Variants in RARB observed in about 807,000 individuals in gnomAD.
The protein encoded by RARB is HBV-activated protein.
Under a neutral mutation model 51.9 loss-of-function variants are expected in RARB, and 17 were observed. The ratio of observed to expected loss-of-function variants is 0.33; its 90% CI spans 0.22 to 0.49. The LOEUF (loss-of-function observed/expected upper bound fraction) is 0.49, where lower values mean the gene tolerates loss of function less well. Ranked by LOEUF, RARB falls within the 20% of genes least tolerant of loss-of-function variation. The pLI is 0.99. For missense variants in RARB, 369 were observed against 550.8 expected (o/e 0.67, Z 3.30); for synonymous variants, 215 against 195.4 (o/e 1.10, Z -0.84).
At chr3:25,427,642 G>T (rs1708032827), upstream of RARB, among the ~76,000 whole-genome samples, 1 of 152,168 alleles carries the variant, frequency 6.6e-6, no homozygotes, top group Non-Finnish European at 1.5e-5. Context: ...CTCGAAAGCT[G>T]GATTGCAGAG....
chr3:25,485,338 C>T (rs1464883175), intron 2 of RARB, among the ~76,000 whole-genome samples: 1 of 152,146 alleles, frequency 6.6e-6, no homozygotes, highest in Non-Finnish European at 1.5e-5. Context: ...ATCCTCAGAC[C>T]CCAGAGGAAA....
chr3:25,514,095 C>T (rs1326824762), intron 3 of RARB, among the ~76,000 whole-genome samples: 2 of 152,202 alleles, frequency 1.3e-5, no homozygotes, highest in African/African-American at 4.8e-5. Context: ...CCTGCAGTCC[C>T]TGTGTTCTGG....
intron 5 of RARB, among the ~76,000 whole-genome samples, chr3:25,238,945 C>T (rs952244829): frequency 6.6e-6 from 1 of 151,704 alleles, no homozygotes; most frequent in African/African-American, 2.4e-5. Context: ...CACCACTGCA[C>T]TCCAGCCGGG....
chr3:25,318,286 C>G (rs1176511073), intron 5 of RARB, among the ~76,000 whole-genome samples: 1 of 152,048 alleles, frequency 6.6e-6, no homozygotes, highest in East Asian at 1.9e-4. Flanking sequence ...CCATAAATTG[C>G]TATATTTGGT....
intron 2 of RARB, among the ~76,000 whole-genome samples, chr3:24,893,468 T>G (rs1047740719): frequency 6.6e-6 from 1 of 152,228 alleles, no homozygotes; most frequent in Admixed American, 6.5e-5. Context: ...ATGTGGCTCT[T>G]CACTGCAAAC....
intron 2 of RARB, among the ~76,000 whole-genome samples, chr3:24,863,868 A>T (rs911353607): frequency 6.6e-6 from 1 of 152,010 alleles, no homozygotes; most frequent in Non-Finnish European, 1.5e-5. Flanking sequence ...TTCTGTATCT[A>T]TGTTTCCATT....
At chr3:25,205,976 C>G (rs940354028) in intron 5 of RARB, among the ~76,000 whole-genome samples, 1 of 152,158 alleles carries the variant, frequency 6.6e-6, no homozygotes, top group Admixed American at 6.5e-5. Context: ...TTTGGCCCAA[C>G]TGTAGTCTAA....
intron 5 of RARB, among the ~76,000 whole-genome samples, chr3:25,248,125 A>G (rs2125400084): frequency 6.6e-6 from 1 of 152,258 alleles, no homozygotes; most frequent in Admixed American, 6.5e-5. Context: ...ATCATGATAT[A>G]ATGACTTTTT....
intron 1 of RARB, among the ~76,000 whole-genome samples, chr3:25,437,542 A>G (rs969815195): frequency 6.6e-6 from 1 of 152,144 alleles, no homozygotes; most frequent in African/African-American, 2.4e-5. Flanking sequence ...AACTTGTGAC[A>G]CAAGTCGTTG....
At chr3:25,007,605 C>CAAAAAAAAAAAA (rs1279154112) in intron 2 of RARB, among the ~76,000 whole-genome samples, 1 of 60,640 alleles carries the variant, frequency 1.6e-5, no homozygotes, top group Admixed American at 2.0e-4. Context: ...AAAAAAAAAA[C>CAAAAAAAAAAAA]AAAAAAACCT....
chr3:25,279,724 G>A (rs2125415279), intron 5 of RARB, among the ~76,000 whole-genome samples: 1 of 152,290 alleles, frequency 6.6e-6, no homozygotes, highest in East Asian at 1.9e-4. Flanking sequence ...AGGTCTTGGT[G>A]GTGAGGATGG....
chr3:24,862,809 C>T (rs1702779175), intron 2 of RARB, among the ~76,000 whole-genome samples: 1 of 152,172 alleles, frequency 6.6e-6, no homozygotes, highest in Non-Finnish European at 1.5e-5. Context: ...GTGGTACCTG[C>T]CCTTCGGCAG....
chr3:24,887,622 C>T (rs1313351223), intron 2 of RARB, among the ~76,000 whole-genome samples: 1 of 152,208 alleles, frequency 6.6e-6, no homozygotes, highest in African/African-American at 2.4e-5. Context: ...TGTAGGCCAG[C>T]TTCTAGAATA....
chr3:25,260,038 C>T (rs1044785760), intron 5 of RARB: 2 of 971,344 alleles, frequency 2.1e-6, no homozygotes, highest in Non-Finnish European at 1.2e-6. Context: ...CTCCTTCCCC[C>T]ATGGTGTGAG....
intron 3 of RARB, among the ~76,000 whole-genome samples, chr3:25,067,294 TTAAA>T (rs1290760488): frequency 6.6e-6 from 1 of 152,010 alleles, no homozygotes; most frequent in Non-Finnish European, 1.5e-5. Context: ...GAAATCACGT[TTAAA>T]TAAATGAGCT....
At chr3:25,559,795 T>G (rs1700199594) in intron 3 of RARB, among the ~76,000 whole-genome samples, 1 of 152,010 alleles carries the variant, frequency 6.6e-6, no homozygotes, top group Admixed American at 6.6e-5. Flanking sequence ...GATGGACAAA[T>G]GGATGGATAG....
chr3:24,876,264 C>T (rs1404013191), intron 2 of RARB, among the ~76,000 whole-genome samples: 1 of 152,142 alleles, frequency 6.6e-6, no homozygotes, highest in Non-Finnish European at 1.5e-5. Flanking sequence ...TCTCTTCGAA[C>T]TTTGAACTGC....
intron 5 of RARB, among the ~76,000 whole-genome samples, chr3:25,364,322 C>CA (rs1316884261): frequency 4.6e-5 from 7 of 151,674 alleles, no homozygotes; most frequent in Admixed American, 4.6e-4. Context: ...GGGGTTACTC[C>CA]AAAAAAAATG....
chr3:25,146,503 G>T (rs56092834), intron 4 of RARB, among the ~76,000 whole-genome samples: 27,078 of 71,438 alleles, frequency 0.38, 4,370 homozygotes, highest in African/African-American at 0.43. Flanking sequence ...TTTTTTGTTT[G>T]TTTGTTTGTT....
Sources: gnomAD v4.1 joint callset for allele counts (sites outside exome capture counted in the v4.1 genomes callset) on GRCh38, gnomAD v4.1.1 for gene constraint, MANE v1.5 for transcripts, NCBI Gene and HGNC (gene_info 2026-07-23, HGNC 2026-07-21) for gene names.